FAT3: variants seen among roughly 807,000 people sequenced by gnomAD.
FAT3 encodes FAT atypical cadherin 3, also known as protocadherin Fat 3.
FAT3 carries 95 observed loss-of-function variants against 310.2 expected under a neutral mutation model. The ratio of observed to expected loss-of-function variants is 0.31; its 90% confidence interval spans 0.26 to 0.36. The LOEUF (loss-of-function observed/expected upper bound fraction) is 0.36. Ranked by LOEUF, FAT3 falls within the 10% of genes least tolerant of loss-of-function variation. The probability of loss-of-function intolerance (pLI) is 1.00; values close to 1 mark genes in which losing one functional copy is unlikely to be tolerated. For missense variants in FAT3, 5,408 were observed against 5,715.6 expected (o/e 0.95, Z 1.74); for synonymous variants, 2,314 against 2,192.9 (o/e 1.06, Z -1.54).
chr11:92,390,411 C>G (rs1949722921), intron 2 of FAT3, among the ~76,000 whole-genome samples: 1 of 152,086 alleles, frequency 6.6e-6, no homozygotes. Context: ...TCTCAGGGCA[C>G]CCAGCCTAAA....
At chr11:92,475,561 A>G (rs1952027872) in intron 2 of FAT3, among the ~76,000 whole-genome samples, 1 of 152,108 alleles carries the variant, frequency 6.6e-6, no homozygotes, top group Non-Finnish European at 1.5e-5. Context: ...TTATGTATGG[A>G]AGGCTTCAGT....
chr11:92,602,735 T>C (rs1393785747), intron 3 of FAT3, among the ~76,000 whole-genome samples: 1 of 152,214 alleles, frequency 6.6e-6, no homozygotes, highest in East Asian at 1.9e-4. Flanking sequence ...ACAGCTACTG[T>C]AATCCACTCC....
At position 92,793,107 on chromosome 11, in the gene FAT3, G is replaced by A. The variant is rs530871030; in HGVS notation, c.4822+130G>A. 202 of 880,444 alleles carry A rather than the reference G, an allele frequency of 2.3e-4. No homozygotes were observed. In the African/African-American group the frequency reaches 2.6e-3, roughly 11 times the overall value. 54.5% of individuals were successfully genotyped at this position (880,444 alleles called of 1,614,324 possible). On this transcript the variant is annotated intron_variant, in intron 9 of 27. Transcript: ENST00000525166. ...CTAAATGAACTTTTTTGGCCAAGCCGCTGTCCTATTTGGGAGATGATGGTG... is the reference window on the plus strand; with the variant it reads ...CTAAATGAACTTTTTTGGCCAAGCCACTGTCCTATTTGGGAGATGATGGTG...
intron 1 of FAT3, among the ~76,000 whole-genome samples, chr11:92,343,599 G>A (rs985446227): frequency 4.6e-5 from 7 of 152,212 alleles, no homozygotes; most frequent in South Asian, 2.1e-4. Flanking sequence ...TCTTCTCTTC[G>A]TGTTAGACCT....
chr11:92,654,163 C>T (rs1275085957), intron 3 of FAT3, among the ~76,000 whole-genome samples: 6 of 152,192 alleles, frequency 3.9e-5, no homozygotes, highest in Admixed American at 3.9e-4. Flanking sequence ...TGATGAGAAA[C>T]TAGTTCATTA....
chr11:92,819,775 A>G (rs1202347868), intron 13 of FAT3, among the ~76,000 whole-genome samples: 1 of 152,236 alleles, frequency 6.6e-6, no homozygotes, highest in Non-Finnish European at 1.5e-5. Context: ...TACAACAACC[A>G]TAAAATAATA....
At chr11:92,516,926 G>T (rs966222513) in intron 2 of FAT3, among the ~76,000 whole-genome samples, 7 of 152,022 alleles carry the variant, frequency 4.6e-5, no homozygotes, top group Non-Finnish European at 8.8e-5. Context: ...ACTGACAAGG[G>T]ATGTGAAGGC....
chr11:92,602,972 G>A (rs1940103124), intron 3 of FAT3, among the ~76,000 whole-genome samples: 1 of 152,132 alleles, frequency 6.6e-6, no homozygotes. Context: ...TCTCAACAAA[G>A]ATTTAATAGC....
chr11:92,853,154 G>T (rs1044306665), intron 19 of FAT3, among the ~76,000 whole-genome samples: 5 of 152,352 alleles, frequency 3.3e-5, no homozygotes, highest in African/African-American at 1.2e-4. Flanking sequence ...GGGCCACTGC[G>T]CACAGCCAGG....
At chr11:92,449,147 G>A (rs1951290147) in intron 2 of FAT3, among the ~76,000 whole-genome samples, 1 of 152,104 alleles carries the variant, frequency 6.6e-6, no homozygotes, top group Non-Finnish European at 1.5e-5. Context: ...CCCGAGCAAT[G>A]CCAATAAAAA....
chr11:92,802,054 G>C, intron 10 of FAT3, 145 bp downstream of exon 10: 1 of 820,794 alleles, frequency 1.2e-6, no homozygotes, highest in South Asian at 2.0e-5. Flanking sequence ...AAGGATCTCT[G>C]AGCAGACTGC....
intron 4 of FAT3, among the ~76,000 whole-genome samples, chr11:92,712,226 A>G (rs1348828626): frequency 6.6e-6 from 1 of 152,112 alleles, no homozygotes; most frequent in Non-Finnish European, 1.5e-5. Context: ...TAGAATAAGG[A>G]GAAAGAAGAG....
At chr11:92,647,747 G>A (rs917026455) in intron 3 of FAT3, among the ~76,000 whole-genome samples, 1 of 152,084 alleles carries the variant, frequency 6.6e-6, no homozygotes, top group Non-Finnish European at 1.5e-5. Context: ...CCTCAATCAT[G>A]TTTCTGGATC....
At chr11:92,251,677 T>C (rs1591008775) in intron 1 of FAT3, among the ~76,000 whole-genome samples, 1 of 151,988 alleles carries the variant, frequency 6.6e-6, no homozygotes, top group South Asian at 2.1e-4. Context: ...TATTTTTTAA[T>C]TATGAATGAC....
At chr11:92,734,477 A>G (rs997200349) in intron 4 of FAT3, among the ~76,000 whole-genome samples, 1 of 152,194 alleles carries the variant, frequency 6.6e-6, no homozygotes, top group African/African-American at 2.4e-5. Context: ...TTAAAATCGC[A>G]GTATAATGGC....
At chr11:92,427,106 G>T (rs1425628116) in intron 2 of FAT3, among the ~76,000 whole-genome samples, 2 of 152,198 alleles carry the variant, frequency 1.3e-5, no homozygotes, top group South Asian at 2.1e-4. Flanking sequence ...CTTGTAAGTT[G>T]TATTCCTAGG....
At position 92,656,887 on chromosome 11, in the gene FAT3, T is replaced by C. The variant is rs1388417963; in HGVS notation, c.3608-40497T>C. 2.0e-5 allele frequency among the ~76,000 whole-genome samples: 3 copies of C among 152,124 alleles called. No individual in the cohort carries two copies. The East Asian group carries it at 5.8e-4, about 29-fold the overall frequency. ...CTTTTACCATTTATTTCTTTACCAC[T>C]TTCTCCTCTGCTTATTTTACCACAT... On this transcript the variant is annotated intron_variant, in intron 3 of 27. Transcript: ENST00000525166.
chr11:92,658,611 C>T (rs995755751), intron 3 of FAT3, among the ~76,000 whole-genome samples: 2 of 152,174 alleles, frequency 1.3e-5, no homozygotes, highest in African/African-American at 4.8e-5. Context: ...TGCCCTTTTG[C>T]CTTGCTGCCT....
intron 3 of FAT3, among the ~76,000 whole-genome samples, chr11:92,559,151 A>G (rs72974456): frequency 0.015 from 2,354 of 152,192 alleles, 28 homozygotes; most frequent in Non-Finnish European, 0.025. Context: ...TAACAGTTTA[A>G]TTAGATGTCA....
Sources: gnomAD v4.1 joint callset for allele counts (sites outside exome capture counted in the v4.1 genomes callset) on GRCh38, gnomAD v4.1.1 for gene constraint, MANE v1.5 for transcripts, NCBI Gene and HGNC (gene_info 2026-07-23, HGNC 2026-07-21) for gene names.